Variants in SOX6 observed in about 807,000 individuals in gnomAD.
SOX6 encodes the protein transcription factor SOX-6.
A neutral mutation model predicts 97.8 loss-of-function variants in SOX6; 11 were observed. The ratio of observed to expected loss-of-function variants is 0.11; its 90% CI spans 0.07 to 0.19. SOX6 has a LOEUF of 0.19. SOX6 is among the 10% of genes least tolerant of loss of function. The pLI is 1.00. For missense variants in SOX6, 810 were observed against 1,039.5 expected (o/e 0.78, Z 3.04); for synonymous variants, 360 against 371.4 (o/e 0.97, Z 0.35).
chr11:16,366,961 C>G lies in SOX6; in HGVS notation c.-4-25709G>C, dbSNP rs532344871. On this transcript the variant is annotated intron_variant, in intron 1 of 15. Coordinates refer to the SOX6 transcript ENST00000396356. ...AACTCTTATAAAGATAACTACACCC[C>G]CTAAATCTATAAAAATTTAAAAATG... Among the ~76,000 whole-genome samples the G allele has an allele frequency of 4.6e-5, 7 of 152,206 alleles. No homozygotes were observed. The South Asian group carries it at 1.5e-3, about 32-fold the overall frequency.
intron 1 of SOX6, among the ~76,000 whole-genome samples, chr11:16,375,915 A>G (rs930011215): frequency 6.6e-6 from 1 of 152,150 alleles, no homozygotes; most frequent in Non-Finnish European, 1.5e-5. Flanking sequence ...CATCATTCTC[A>G]GCAAACACAG....
rs144744363 is a variant in SOX6, at chr11:16,308,706, G to A, written c.445+9740C>T. On this transcript the variant is annotated intron_variant, in intron 3 of 15. Transcript: ENST00000683767. ...TAAACCTGATGCAATTAGAGATGAGGAACTACTCTAATTCTAAAACCACAC... is the reference window on the plus strand; with the variant it reads ...TAAACCTGATGCAATTAGAGATGAGAAACTACTCTAATTCTAAAACCACAC... 6.4e-3 allele frequency among the ~76,000 whole-genome samples: 981 copies of A among 152,252 alleles called. 3 individuals carry two copies. The highest frequency in any genetic ancestry group is 0.024 in the Middle Eastern group (7 of 294).
In SOX6 at chr11:16,607,806, C is replaced by G. The variant is rs1848352906; in HGVS notation, n.609+4275G>C. The G allele has an allele frequency of 5.3e-5, 8 of 152,300 alleles. No homozygotes were observed. The highest frequency in any genetic ancestry group is 5.2e-4 in the Admixed American group (8 of 15,272). 9.4% of individuals were successfully genotyped at this position (152,300 alleles called of 1,614,324 possible). On this transcript the variant is annotated intron_variant and non_coding_transcript_variant, in intron 4 of 5. Coordinates refer to the SOX6 transcript ENST00000524520. The surrounding 1 kb of genome is among the most constrained non-coding windows in gnomAD (Gnocchi z 6.5). ...GAGCGAGGGAGAGGAGGCTGGGCTC[C>G]CCTCCCAGACAACACAGGCAAGATG...
chr11:16,732,804 T>C (rs550236013), intron 2 of SOX6, among the ~76,000 whole-genome samples: 1 of 152,308 alleles, frequency 6.6e-6, no homozygotes, highest in East Asian at 1.9e-4. Flanking sequence ...ACAGGCAACC[T>C]ACAGAATGGG....
At chr11:16,134,406 G>A (rs1289476051) in intron 6 of SOX6, among the ~76,000 whole-genome samples, 1 of 148,626 alleles carries the variant, frequency 6.7e-6, no homozygotes, top group African/African-American at 2.6e-5. Context: ...AAAACTTCTT[G>A]AAGAAGGTGT....
intron 6 of SOX6, among the ~76,000 whole-genome samples, chr11:16,155,397 G>A (rs1263633704): frequency 6.6e-6 from 1 of 152,144 alleles, no homozygotes; most frequent in Non-Finnish European, 1.5e-5. Context: ...ATGGGCTATT[G>A]TAAGAATTCA....
chr11:16,507,147 C>T (rs12786641), intron 4 of SOX6, among the ~76,000 whole-genome samples: 27,827 of 151,976 alleles, frequency 0.18, 2,598 homozygotes, highest in African/African-American at 0.22. Context: ...CTGACAGCCA[C>T]GTGGAGATGT....
chr11:16,420,326 T>C (rs1858998527), intron 1 of SOX6, among the ~76,000 whole-genome samples: 1 of 152,180 alleles, frequency 6.6e-6, no homozygotes, highest in South Asian at 2.1e-4. Context: ...TTGAGATGAA[T>C]ATTTGAAGAA....
At chr11:16,170,517 T>C (rs1851010308) in intron 6 of SOX6, among the ~76,000 whole-genome samples, 2 of 152,054 alleles carry the variant, frequency 1.3e-5, no homozygotes, top group African/African-American at 4.8e-5. Context: ...TTATGGTTAA[T>C]AATTAGAATA....
In SOX6 at chr11:16,627,909, C is replaced by G. The variant is rs570230258; in HGVS notation, n.430-15649G>C. On this transcript the variant is annotated intron_variant and non_coding_transcript_variant, in intron 3 of 5. Transcript: ENST00000524520. The stretch of plus-strand genomic sequence containing the variant: ...AGAATGGTGTTTCCTAGGTTTTCTT[C>G]TAGGTTTCTTGTACTTTAGGGTCTT... Among the ~76,000 whole-genome samples, 13 of 152,180 alleles carry G rather than the reference C, an allele frequency of 8.5e-5. No homozygotes were observed. In the South Asian group the frequency reaches 1.7e-3, roughly 19 times the overall value.
At chr11:16,016,528 A>G (rs1182349206) in intron 12 of SOX6, among the ~76,000 whole-genome samples, 1 of 152,066 alleles carries the variant, frequency 6.6e-6, no homozygotes, top group Non-Finnish European at 1.5e-5. Context: ...TGGTTCCCTA[A>G]TATCTTCCTA....
intron 4 of SOX6, among the ~76,000 whole-genome samples, chr11:16,599,226 T>C (rs1266685329): frequency 6.6e-6 from 1 of 152,098 alleles, no homozygotes; most frequent in African/African-American, 2.4e-5. Context: ...CCATGGGAGC[T>C]TAGTAAATAA....
intron 6 of SOX6, among the ~76,000 whole-genome samples, chr11:16,112,250 T>C (rs1210785403): frequency 6.6e-6 from 1 of 152,212 alleles, no homozygotes; most frequent in Non-Finnish European, 1.5e-5. Context: ...TTGCTTCCTT[T>C]CTAGCACTGT....
chr11:16,208,911 C>T (rs1348931096), intron 4 of SOX6, among the ~76,000 whole-genome samples: 1 of 152,170 alleles, frequency 6.6e-6, no homozygotes, highest in African/African-American at 2.4e-5. Flanking sequence ...TCCACATCAT[C>T]ATTCTACTTG....
At chr11:16,403,379 T>C (rs916290021) in intron 1 of SOX6, among the ~76,000 whole-genome samples, 1 of 151,708 alleles carries the variant, frequency 6.6e-6, no homozygotes, top group African/African-American at 2.4e-5. Context: ...GCCATGATGA[T>C]TGGTCTGTGC....
intron 1 of SOX6, among the ~76,000 whole-genome samples, chr11:16,435,985 A>G (rs530981865): frequency 1.3e-5 from 2 of 152,094 alleles, no homozygotes; most frequent in South Asian, 4.2e-4. Flanking sequence ...TCCCTCTACC[A>G]CTATTTCCTC....
At chr11:16,643,587 G>C (rs1348750607) in intron 3 of SOX6, among the ~76,000 whole-genome samples, 1 of 152,150 alleles carries the variant, frequency 6.6e-6, no homozygotes, top group East Asian at 1.9e-4. Context: ...CAGCCGCTTT[G>C]TTTACCTACT....
At chr11:16,266,668 T>C (rs571199425) in intron 3 of SOX6, among the ~76,000 whole-genome samples, 81 of 151,730 alleles carry the variant, frequency 5.3e-4, no homozygotes, top group African/African-American at 1.9e-3. Flanking sequence ...AATTAAAGTA[T>C]ACGTTTATTG....
intron 2 of SOX6, among the ~76,000 whole-genome samples, chr11:16,720,643 T>C (rs1167830194): frequency 2.0e-5 from 3 of 147,424 alleles, no homozygotes; most frequent in Middle Eastern, 3.6e-3. Flanking sequence ...TGTATACATA[T>C]GTAACTAACC....
Sources: gnomAD v4.1 joint callset for allele counts (sites outside exome capture counted in the v4.1 genomes callset) on GRCh38, gnomAD v4.1.1 for gene constraint, Gnocchi (gnomAD v3.1) non-coding constraint, MANE v1.5 for transcripts, NCBI Gene and HGNC (gene_info 2026-07-23, HGNC 2026-07-21) for gene names.